TRAPPC2L: variants seen among roughly 807,000 people sequenced by gnomAD.
The protein encoded by TRAPPC2L is trafficking protein particle complex subunit 2L, also known as trafficking protein particle complex subunit 2-like protein.
In TRAPPC2L, 17 loss-of-function variants were observed where a neutral mutation model predicts 13.2. The ratio of observed to expected loss-of-function variants is 1.29; its 90% confidence interval spans 0.88 to 1.93. The LOEUF (loss-of-function observed/expected upper bound fraction) is 1.93, where lower values mean the gene tolerates loss of function less well. TRAPPC2L is among the 30% of genes most tolerant of loss of function. The pLI is 0.00. For missense variants in TRAPPC2L, 359 were observed against 252.1 expected (o/e 1.42, Z -2.87); for synonymous variants, 150 against 98.1 (o/e 1.53, Z -3.12).
At chr16:88,856,712 T>G (rs534472993), upstream of TRAPPC2L, 14,852 of 428,058 alleles carry the variant, frequency 0.035, 266 homozygotes, top group African/African-American at 0.06. Context: ...GCCCCTCCCC[T>G]CCCCGCCCCA....
chr16:88,859,745 C>T (rs772201015), exon 3 of TRAPPC2L: 5 of 1,613,698 alleles, frequency 3.1e-6, no homozygotes, highest in South Asian at 1.1e-5. Context: ...CAACGAAATT[C>T]GCAGCGTAAG....
exon 4 of TRAPPC2L, chr16:88,860,674 C>G: frequency 1.7e-6 from 1 of 603,644 alleles, no homozygotes; most frequent in Non-Finnish European, 2.9e-6. Context: ...CCATGCTGCT[C>G]CCTCCTCCAC....
upstream of TRAPPC2L, chr16:88,856,247 G>A (rs1445453330): frequency 2.8e-6 from 2 of 703,040 alleles, no homozygotes; most frequent in South Asian, 3.0e-5. Flanking sequence ...CAGCCGTCAG[G>A]TAAGACTGGA....
exon 4 of TRAPPC2L, chr16:88,860,826 G>C (rs532230056): frequency 7.0e-7 from 1 of 1,431,860 alleles, no homozygotes; most frequent in African/African-American, 1.4e-5. Context: ...CGAGCATCCT[G>C]TGGATGGAGC....
chr16:88,860,294 A>G, exon 4 of TRAPPC2L: 1 of 699,724 alleles, frequency 1.4e-6, no homozygotes, highest in Non-Finnish European at 2.6e-6. Flanking sequence ...AGTGGCTTTC[A>G]GGGATCACAC....
At chr16:88,858,650 C>A (rs142995327) in exon 2 of TRAPPC2L, 6 of 1,613,424 alleles carry the variant, frequency 3.7e-6, no homozygotes, top group Non-Finnish European at 5.1e-6. Flanking sequence ...AGCACCCCTA[C>A]GGAGAACGAG....
At chr16:88,858,511 G>A in intron 1 of TRAPPC2L, 108 bp from the exon 2 acceptor site, 8 of 1,231,708 alleles carry the variant, frequency 6.5e-6, no homozygotes, top group Non-Finnish European at 9.2e-6. Context: ...TAGAGCATGG[G>A]AATGCGTTCC....
chr16:88,857,166 G>C (rs772292109), exon 1 of TRAPPC2L: 2 of 1,582,438 alleles, frequency 1.3e-6, no homozygotes, highest in Non-Finnish European at 1.7e-6. Context: ...GGTGTGCATC[G>C]CGGTGATTGC....
upstream of TRAPPC2L, chr16:88,856,809 C>A (rs1178730995): frequency 1.9e-6 from 3 of 1,539,216 alleles, no homozygotes; most frequent in Non-Finnish European, 2.6e-6. Flanking sequence ...CGCCCGAGGC[C>A]CCCATCCCCG....
At chr16:88,861,415 G>A (rs1968379015) in exon 4 of TRAPPC2L, 2 of 347,756 alleles carry the variant, frequency 5.8e-6, no homozygotes, top group Admixed American at 7.9e-5. Context: ...TCCCACAGGG[G>A]AGGGCCCTCC....
At chr16:88,859,673 G>C in exon 3 of TRAPPC2L, 1 of 1,613,934 alleles carries the variant, frequency 6.2e-7, no homozygotes, top group East Asian at 2.2e-5. Context: ...ATACGGCTAC[G>C]TCACCAACTC....
At chr16:88,856,466 C>G (rs1000787347), upstream of TRAPPC2L, 85 of 700,196 alleles carry the variant, frequency 1.2e-4, no homozygotes, top group Non-Finnish European at 2.1e-4. Flanking sequence ...AGGGAGGACG[C>G]TGTCCCGGTC....
upstream of TRAPPC2L, chr16:88,856,701 C>A (rs1178744641): frequency 3.4e-6 from 2 of 590,392 alleles, no homozygotes; most frequent in Non-Finnish European, 5.9e-6. Context: ...TCCCTCCATC[C>A]GCCCCTCCCC....
chr16:88,862,086 C>G (rs1362043442), exon 4 of TRAPPC2L: 2 of 156,746 alleles, frequency 1.3e-5, no homozygotes, highest in Non-Finnish European at 2.8e-5. Context: ...AAGGTTAAAT[C>G]TTTAACAAGA....
At chr16:88,861,352 C>T in exon 4 of TRAPPC2L, 1 of 355,870 alleles carries the variant, frequency 2.8e-6, no homozygotes, top group South Asian at 2.2e-5. Flanking sequence ...GGGTGGCCTC[C>T]TGAGCCCAGA....
exon 4 of TRAPPC2L, chr16:88,860,782 C>CGGA: frequency 1.0e-6 from 1 of 973,464 alleles, no homozygotes; most frequent in Non-Finnish European, 1.6e-6. Context: ...GGCCTCTCAG[C>CGGA]GGAGTTCACA....
chr16:88,861,608 A>C, exon 4 of TRAPPC2L: 1 of 485,780 alleles, frequency 2.1e-6, no homozygotes, highest in Non-Finnish European at 4.2e-6. Context: ...GTTGGTGCTG[A>C]GGGGGTTGGG....
chr16:88,856,290 C>T (rs1010777783), upstream of TRAPPC2L: 9 of 702,860 alleles, frequency 1.3e-5, no homozygotes, highest in Non-Finnish European at 2.1e-5. Context: ...CCCGAGGTGG[C>T]GGGAGTGATT....
exon 4 of TRAPPC2L, chr16:88,861,848 G>A (rs969930927): frequency 1.2e-5 from 4 of 333,118 alleles, no homozygotes; most frequent in Non-Finnish European, 2.4e-5. Context: ...GGTCAGCCTA[G>A]GGCAGGACCT....
Sources: gnomAD v4.1 joint callset for allele counts on GRCh38, gnomAD v4.1.1 for gene constraint, MANE v1.5 for transcripts, NCBI Gene and HGNC (gene_info 2026-07-23, HGNC 2026-07-21) for gene names.